PDE11A: variants seen among roughly 807,000 people sequenced by gnomAD.
PDE11A encodes phosphodiesterase 11A.
PDE11A carries 100 observed loss-of-function variants against 100.5 expected under a neutral mutation model. The observed-to-expected ratio is 1.00, with a 90% CI of 0.85 to 1.18. The LOEUF (loss-of-function observed/expected upper bound fraction) is 1.18, where lower values mean the gene tolerates loss of function less well. PDE11A is among the 50% of genes most tolerant of loss of function. PDE11A has a pLI of 0.00. For synonymous variants in PDE11A, 381 were observed against 420.8 expected, an observed-to-expected ratio of 0.91 and a Z score of 1.16; for missense variants, 1,141 against 1,152.6, an observed-to-expected ratio of 0.99 and a Z score of 0.15.
At chr2:177,675,610 A>T (rs1164879802) in intron 16 of PDE11A, 92 bp from the exon 17 acceptor site, 2 of 959,854 alleles carry the variant, frequency 2.1e-6, no homozygotes, top group Admixed American at 3.9e-5. Flanking sequence ...ATAAAATAAA[A>T]TGGAAACGAG....
intron 2 of PDE11A, among the ~76,000 whole-genome samples, chr2:177,940,179 C>CTATTT: frequency 6.6e-6 from 1 of 152,174 alleles, no homozygotes; most frequent in South Asian, 2.1e-4. Context: ...GTTTACTATA[C>CTATTT]TATTTTATCT....
At position 177,757,607 on chromosome 2, in the gene PDE11A, C is replaced by T. The variant is rs565298916; in HGVS notation, c.1788+11716G>A. 1.5e-4 allele frequency among the ~76,000 whole-genome samples: 23 copies of T among 152,312 alleles called. 1 individual carries two copies. Among genetic ancestry groups the T allele is most frequent in the Non-Finnish European group, 1.5e-5 (1 of 68,026 alleles). ...ACAGAACAGTATTTAAGCCTCTTAT[C>T]CCTGGATAGGTTGAACAGAGCCTCG... On this transcript the variant is annotated intron_variant, in intron 10 of 19. Coordinates refer to ENST00000286063, the MANE Select transcript of PDE11A (RefSeq NM_016953.4).
intron 5 of PDE11A, among the ~76,000 whole-genome samples, chr2:177,848,617 A>G (rs1332781893): frequency 6.6e-6 from 1 of 152,224 alleles, no homozygotes; most frequent in Admixed American, 6.5e-5. Context: ...CATGAGCTCA[A>G]ATATATTGAC....
At chr2:177,827,665 T>C (rs1236339848) in intron 6 of PDE11A, among the ~76,000 whole-genome samples, 1 of 152,210 alleles carries the variant, frequency 6.6e-6, no homozygotes, top group Admixed American at 6.5e-5. Flanking sequence ...TCTTTGAATC[T>C]AATAAGAAGA....
At chr2:177,928,848 G>A (rs2085167163) in intron 2 of PDE11A, among the ~76,000 whole-genome samples, 1 of 151,536 alleles carries the variant, frequency 6.6e-6, no homozygotes, top group Admixed American at 6.6e-5. Context: ...GGGTTACAGA[G>A]AAAGACCCTG....
At chr2:178,058,306 G>T (rs1057153335) in intron 1 of PDE11A, among the ~76,000 whole-genome samples, 2 of 152,170 alleles carry the variant, frequency 1.3e-5, no homozygotes, top group Non-Finnish European at 2.9e-5. Context: ...ATTTCAAATT[G>T]TAACTCCCAC....
intron 1 of PDE11A, among the ~76,000 whole-genome samples, chr2:178,015,681 C>G (rs1177692046): frequency 6.6e-6 from 1 of 151,778 alleles, no homozygotes; most frequent in East Asian, 1.9e-4. Flanking sequence ...GATATACATG[C>G]TAGGGTATTT....
chr2:177,727,068 A>G (rs1407317603), intron 12 of PDE11A, among the ~76,000 whole-genome samples: 2 of 152,118 alleles, frequency 1.3e-5, no homozygotes, highest in Non-Finnish European at 1.5e-5. Context: ...TCCAAGGCTT[A>G]TATCTGCCCA....
chr2:177,853,438 T>C lies in PDE11A; in HGVS notation c.1368-13055A>G, dbSNP rs1171162032. Among the ~76,000 whole-genome samples, 3 of 151,588 alleles carry C rather than the reference T, an allele frequency of 2.0e-5. No individual in the cohort carries two copies. The East Asian group carries it at 5.8e-4, about 29-fold the overall frequency. ...GACAGTAGAGAGATGTTAAATGTTT[T>C]TGACGGTGGCATCATTATCAGATTT... On this transcript the variant is annotated intron_variant, in intron 5 of 19. Coordinates refer to ENST00000286063, the MANE Select transcript of PDE11A (RefSeq NM_016953.4).
chr2:177,654,939 A>G (rs2080359999), intron 19 of PDE11A, among the ~76,000 whole-genome samples: 1 of 30,850 alleles, frequency 3.2e-5, no homozygotes, highest in Admixed American at 8.3e-4. Context: ...ATGCTCTCTA[A>G]AAAAACTATA....
At chr2:177,903,485 C>G (rs1408331631) in intron 3 of PDE11A, among the ~76,000 whole-genome samples, 3 of 152,154 alleles carry the variant, frequency 2.0e-5, no homozygotes, top group Non-Finnish European at 4.4e-5. Context: ...TTTGGATAGA[C>G]AGCATGTGAA....
chr2:177,742,106 A>T (rs574368787), intron 10 of PDE11A, among the ~76,000 whole-genome samples: 1 of 152,072 alleles, frequency 6.6e-6, no homozygotes, highest in East Asian at 1.9e-4. Flanking sequence ...CAGGCTGCAC[A>T]GTCTGCCAGG....
intron 2 of PDE11A, among the ~76,000 whole-genome samples, chr2:178,078,037 G>A (rs2087229970): frequency 6.6e-6 from 1 of 151,996 alleles, no homozygotes; most frequent in Non-Finnish European, 1.5e-5. Context: ...GTGGTAATGT[G>A]TTACAGCAGC....
intron 9 of PDE11A, among the ~76,000 whole-genome samples, chr2:177,812,795 G>A (rs1187626078): frequency 2.6e-5 from 4 of 152,190 alleles, no homozygotes; most frequent in Admixed American, 2.6e-4. Flanking sequence ...GCTACATGCT[G>A]TTAAGCGGGT....
intron 9 of PDE11A, among the ~76,000 whole-genome samples, chr2:177,805,198 T>C (rs1053585317): frequency 6.6e-6 from 1 of 152,122 alleles, no homozygotes; most frequent in East Asian, 1.9e-4. Flanking sequence ...TTGTTTTAAA[T>C]ATATATCCTT....
At chr2:177,674,817 TTCTGGACCCCACACAGTA>T (rs2080743133) in intron 17 of PDE11A, among the ~76,000 whole-genome samples, 1 of 152,232 alleles carries the variant, frequency 6.6e-6, no homozygotes, top group Non-Finnish European at 1.5e-5. Flanking sequence ...CAAGTTACTG[TTCTGGACCCCACACAGTA>T]GGTGCATCAT....
At chr2:177,871,543 T>G (rs1349569562) in intron 5 of PDE11A, among the ~76,000 whole-genome samples, 1 of 145,440 alleles carries the variant, frequency 6.9e-6, no homozygotes, top group Admixed American at 6.9e-5. Flanking sequence ...TTATTATTAT[T>G]ATTATTATTA....
At chr2:177,887,760 A>G (rs2084462583) in intron 4 of PDE11A, among the ~76,000 whole-genome samples, 1 of 152,226 alleles carries the variant, frequency 6.6e-6, no homozygotes, top group Non-Finnish European at 1.5e-5. Context: ...TCTCAAACAA[A>G]CAAGCAAACA....
At chr2:178,008,870 G>C (rs2086243177) in intron 2 of PDE11A, among the ~76,000 whole-genome samples, 1 of 152,150 alleles carries the variant, frequency 6.6e-6, no homozygotes, top group Non-Finnish European at 1.5e-5. Flanking sequence ...GAGAGCAGCA[G>C]GGTAACCAAA....
Sources: gnomAD v4.1 joint callset for allele counts (sites outside exome capture counted in the v4.1 genomes callset) on GRCh38, gnomAD v4.1.1 for gene constraint, MANE v1.5 for transcripts, NCBI Gene and HGNC (gene_info 2026-07-23, HGNC 2026-07-21) for gene names.